Variants in SLC35D4 observed in about 807,000 individuals in gnomAD.
SLC35D4 encodes the protein UDP-N-acetylglucosamine transporter SLC35D4.
chr18:23,253,888 C>T, the SLC35D4 span: 4 of 1,614,028 alleles, frequency 2.5e-6, no homozygotes, highest in Non-Finnish European at 2.5e-6. Context: ...TGTTAGCAGC[C>T]AAAATTGGAA....
At chr18:23,313,768 G>A in the SLC35D4 span, among the ~76,000 whole-genome samples, 3 of 152,024 alleles carry the variant, frequency 2.0e-5, no homozygotes, top group East Asian at 1.9e-4. Flanking sequence ...CTGCCTCTTC[G>A]CTCCCCTCCT....
the SLC35D4 span, among the ~76,000 whole-genome samples, chr18:23,332,754 A>T: frequency 7.2e-6 from 1 of 138,804 alleles, no homozygotes; most frequent in East Asian, 2.0e-4. Flanking sequence ...AAAATTGATT[A>T]AAAAAAAAAA....
chr18:23,319,666 T>C, the SLC35D4 span, among the ~76,000 whole-genome samples: 1,462 of 152,298 alleles, frequency 9.6e-3, 24 homozygotes, highest in African/African-American at 0.034. Context: ...CTCAAACTCC[T>C]GACCTCAGGT....
chr18:23,323,816 C>T, the SLC35D4 span, among the ~76,000 whole-genome samples: 20 of 152,024 alleles, frequency 1.3e-4, no homozygotes, highest in African/African-American at 4.3e-4. Flanking sequence ...TGTTGGCTCA[C>T]GACTGTAATC....
chr18:23,351,142 C>T, the SLC35D4 span, among the ~76,000 whole-genome samples: 1 of 152,170 alleles, frequency 6.6e-6, no homozygotes. Flanking sequence ...CACAGTGGCT[C>T]ACACCTGTAA....
the SLC35D4 span, chr18:23,257,495 G>GGA: frequency 9.1e-7 from 1 of 1,095,790 alleles, no homozygotes; most frequent in Non-Finnish European, 1.3e-6. Flanking sequence ...CATAGTTTGG[G>GGA]GAGAAGCAGT....
chr18:23,302,761 G>A, the SLC35D4 span, among the ~76,000 whole-genome samples: 1 of 152,222 alleles, frequency 6.6e-6, no homozygotes, highest in African/African-American at 2.4e-5. Context: ...GGGTCCTCCA[G>A]TCTCAGCCAG....
the SLC35D4 span, among the ~76,000 whole-genome samples, chr18:23,295,733 C>G: frequency 2.0e-5 from 3 of 152,260 alleles, no homozygotes. Context: ...GCAACAACAG[C>G]CACCGACTGA....
At chr18:23,306,453 T>C in the SLC35D4 span, among the ~76,000 whole-genome samples, 1 of 152,060 alleles carries the variant, frequency 6.6e-6, no homozygotes, top group Non-Finnish European at 1.5e-5. Context: ...ATTACAGGCA[T>C]GCGCCATCAC....
At chr18:23,367,499 T>C in the SLC35D4 span, among the ~76,000 whole-genome samples, 1 of 152,070 alleles carries the variant, frequency 6.6e-6, no homozygotes, top group Admixed American at 6.6e-5. Flanking sequence ...GAGAGGGCGA[T>C]GGGAGGGTGC....
At chr18:23,331,800 T>C in the SLC35D4 span, among the ~76,000 whole-genome samples, 4 of 152,000 alleles carry the variant, frequency 2.6e-5, no homozygotes, top group Admixed American at 6.6e-5. Context: ...GATTCCATTG[T>C]ATGGACAGAT....
At chr18:23,423,591 C>A in the SLC35D4 span, among the ~76,000 whole-genome samples, 6 of 152,164 alleles carry the variant, frequency 3.9e-5, no homozygotes, top group East Asian at 1.2e-3. Context: ...GGTTGAGAAA[C>A]CCCGGTCTAG....
chr18:23,253,339 C>T, the SLC35D4 span, among the ~76,000 whole-genome samples: 2 of 152,134 alleles, frequency 1.3e-5, no homozygotes, highest in Non-Finnish European at 2.9e-5. Flanking sequence ...AAAAATTAGC[C>T]AGGCATGGTG....
the SLC35D4 span, among the ~76,000 whole-genome samples, chr18:23,379,421 GC>G: frequency 6.6e-6 from 1 of 152,128 alleles, no homozygotes; most frequent in Admixed American, 6.5e-5. Flanking sequence ...ACCATGCCCA[GC>G]AGTTACTCAA....
chr18:23,330,919 G>C, the SLC35D4 span: 1 of 152,184 alleles, frequency 6.6e-6, no homozygotes, highest in Non-Finnish European at 1.5e-5. Flanking sequence ...CACGAGAGGA[G>C]AGCCACCAAC....
At chr18:23,342,436 GTA>G in the SLC35D4 span, among the ~76,000 whole-genome samples, 44 of 151,474 alleles carry the variant, frequency 2.9e-4, no homozygotes, top group African/African-American at 1.0e-3. Context: ...ATTCCAAATT[GTA>G]TATATATATA....
the SLC35D4 span, among the ~76,000 whole-genome samples, chr18:23,300,305 C>T: frequency 1.3e-5 from 2 of 152,176 alleles, no homozygotes; most frequent in African/African-American, 4.8e-5. Context: ...AGTTCCCAGG[C>T]AATGCAGAGT....
At chr18:23,272,421 G>A in the SLC35D4 span, among the ~76,000 whole-genome samples, 1 of 152,044 alleles carries the variant, frequency 6.6e-6, no homozygotes, top group South Asian at 2.1e-4. Flanking sequence ...CTCCAGCCTG[G>A]GCAACAGAGC....
chr18:23,271,671 G>T, the SLC35D4 span, among the ~76,000 whole-genome samples: 1 of 152,118 alleles, frequency 6.6e-6, no homozygotes, highest in East Asian at 1.9e-4. Flanking sequence ...GCTTCAGGAT[G>T]GGGGCTTGGA....
Sources: allele counts gnomAD v4.1 joint callset (sites outside exome capture counted in the v4.1 genomes callset), GRCh38; gene constraint gnomAD v4.1.1; transcripts MANE v1.5; gene names NCBI Gene and HGNC (gene_info 2026-07-23, HGNC 2026-07-21).